The following PLA2G6 variants were observed in gnomAD, a reference collection of about 807,000 sequenced individuals.
PLA2G6 encodes the protein phospholipase A2 group VI.
In PLA2G6, 62 loss-of-function variants were observed where a neutral mutation model predicts 83.8. The observed-to-expected ratio is 0.74, with a 90% CI of 0.60 to 0.91. The LOEUF is 0.91. Among genes scored for constraint, PLA2G6 ranks in the 40% least tolerant of loss-of-function variants. The pLI, the probability that PLA2G6 is intolerant of heterozygous loss-of-function variation, is 0.00. For missense variants in PLA2G6, 944 were observed against 1,102.0 expected, an observed-to-expected ratio of 0.86 and a Z score of 2.03; for synonymous variants, 417 against 449.8, an observed-to-expected ratio of 0.93 and a Z score of 0.92.
chr22:38,143,083 C>G, intron 4 of PLA2G6, 22 bp downstream of exon 4: 1 of 1,611,780 alleles, frequency 6.2e-7, no homozygotes, highest in Non-Finnish European at 8.5e-7. Flanking sequence ...GTACCAGTCA[C>G]CCTGCCCCTC....
chr22:38,174,193 G>A (rs1339154849), intron 1 of PLA2G6, among the ~76,000 whole-genome samples: 2 of 151,982 alleles, frequency 1.3e-5, no homozygotes, highest in Admixed American at 6.6e-5. Context: ...TCAGGAGATT[G>A]AGACCATCCT....
chr22:38,128,233 C>T lies in PLA2G6; in HGVS notation c.1348+36G>A. Reference sequence around the variant, plus strand: ...TGCTGTGATCCAGGGGCCTGGGAACCAGCTGGAGAAGAGGGAGTCGGGAGG... The same window carrying T: ...TGCTGTGATCCAGGGGCCTGGGAACTAGCTGGAGAAGAGGGAGTCGGGAGG... On this transcript the variant is annotated intron_variant, in intron 9 of 16. Coordinates refer to ENST00000332509, the MANE Select transcript of PLA2G6 (RefSeq NM_003560.4). The surrounding 1 kb of genome is among the most constrained non-coding windows in gnomAD (Gnocchi z 4.4). 7.5e-6 allele frequency: 12 copies of T among 1,608,560 alleles called. No individual in the cohort carries two copies. The highest frequency in any genetic ancestry group is 1.0e-5 in the Non-Finnish European group (12 of 1,176,780).
Position 38,112,570 on chromosome 22 carries a change from T to A in PLA2G6, c.2210A>T (p.Asp737Val). 1 of 1,551,650 alleles carries A rather than the reference T, an allele frequency of 6.4e-7. No homozygotes were observed. Among genetic ancestry groups the A allele is most frequent in the African/African-American group, 1.4e-5 (1 of 73,132 alleles). ...LGKMVVDCCTDPDGRAVDRAR... is the reference protein window; with the variant it reads ...LGKMVVDCCTVPDGRAVDRAR... ...CCGGTCCACAGCCCGCCCGTCTGGA[T>A]CCGTGCACTGGTGAGAAGCAGCCTT... is the stretch of plus-strand genomic sequence containing the variant. Residue 737 changes from aspartate (D) to valine (V), a missense_variant, in exon 16 of 17, where the codon GAT becomes GTT. Asp to Val is a radical substitution (Grantham distance 152). Coordinates refer to ENST00000332509, the MANE Select transcript of PLA2G6 (RefSeq NM_003560.4).
chr22:38,132,567 T>C lies in PLA2G6; in HGVS notation c.1077+264A>G, dbSNP rs1006035665. 3 of 563,150 alleles carry C rather than the reference T, an allele frequency of 5.3e-6. No homozygotes were observed. Among genetic ancestry groups the C allele is most frequent in the Non-Finnish European group, 9.6e-6 (3 of 313,868 alleles). The allele number at this position is 563,150 out of a possible 1,614,324, so 34.9% of individuals were successfully genotyped here. On this transcript the variant is annotated intron_variant, in intron 7 of 16. Transcript: ENST00000332509. This position sits in a 1 kb window ranked among gnomAD's most constrained non-coding sequence, Gnocchi z 5.0. The stretch of plus-strand genomic sequence containing the variant: ...TATGGCCAGAGCTGTCATTTTTCCC[T>C]CTCGTGCCATGCAAGTGCCAAATGG...
In PLA2G6 at chr22:38,126,476, G is replaced by A. The variant is rs770146189; in HGVS notation, c.1349-27C>T. 45 of 1,581,598 alleles carry A rather than the reference G, an allele frequency of 2.8e-5. 1 individual carries two copies. The South Asian group carries it at 4.3e-4, about 15-fold the overall frequency. ...TGTGAGGCACAGAGCAGGGCATGCT[G>A]TGGTCAGGTGGGTCCCCAAGCCCTG... is the stretch of plus-strand genomic sequence containing the variant. On this transcript the variant is annotated intron_variant, in intron 9 of 16. Coordinates refer to ENST00000332509, the MANE Select transcript of PLA2G6 (RefSeq NM_003560.4).
chr22:38,145,784 AACACACACACACACACACACAC>A (rs132936), intron 2 of PLA2G6, 131 bp from the exon 3 acceptor site: 53 of 484,210 alleles, frequency 1.1e-4, no homozygotes, highest in African/African-American at 3.3e-4. Flanking sequence ...CTCCCAAGCA[AACACACACACACACACACACAC>A]ACACACACAC....
At chr22:38,122,344 AG>A (rs1016220234) in intron 11 of PLA2G6, among the ~76,000 whole-genome samples, 27 of 152,152 alleles carry the variant, frequency 1.8e-4, no homozygotes, top group African/African-American at 6.3e-4. Context: ...GACAATGTCC[AG>A]GGGGTTGGGG....
In PLA2G6 at chr22:38,128,548, C is replaced by G. The variant is rs548987642; in HGVS notation, c.1187-118G>C. 1 of 1,141,956 alleles carries G rather than the reference C, an allele frequency of 8.8e-7. No individual in the cohort carries two copies. The highest frequency in any genetic ancestry group is 1.3e-6 in the Non-Finnish European group (1 of 790,344). The allele number at this position is 1,141,956 out of a possible 1,614,324, so 70.7% of individuals were successfully genotyped here. On this transcript the variant is annotated intron_variant, in intron 8 of 16. Coordinates refer to ENST00000332509, the MANE Select transcript of PLA2G6 (RefSeq NM_003560.4). The surrounding 1 kb of genome is among the most constrained non-coding windows in gnomAD (Gnocchi z 4.4). ...TGTCCCAGCTCCCAGGCCCTGGGCA[C>G]GTGGGCTGCTCCAGAGGCCTCAGCC...
In PLA2G6 at chr22:38,116,099, G is replaced by T. The variant is rs764204393; in HGVS notation, c.1855C>A (p.Leu619Ile). 5 of 1,614,136 alleles carry T rather than the reference G, an allele frequency of 3.1e-6. No individual in the cohort carries two copies. Among genetic ancestry groups the T allele is most frequent in the Non-Finnish European group, 4.2e-6 (5 of 1,180,024 alleles). Residue 619 changes from leucine to isoleucine, a missense_variant, in exon 13 of 17, where the codon CTC becomes ATC. Physicochemically the swap from Leu to Ile is conservative, Grantham distance 5 (BLOSUM62 2). Transcript: ENST00000332509. The part of the protein sequence containing the change: ...REPRFNQNVN[L>I]RPPAQPSDQL... ...CCTGAGGGCTGAGCTGGAGGCCTGA[G>T]GTTAACGTTCTGGTTGAAACGAGGC...
At chr22:38,124,520 C>G (rs943765702) in intron 10 of PLA2G6, among the ~76,000 whole-genome samples, 4 of 152,176 alleles carry the variant, frequency 2.6e-5, no homozygotes, top group African/African-American at 4.8e-5. Context: ...CTCTGATCTT[C>G]TCATCTTCCC....
In PLA2G6 at chr22:38,169,318, G is replaced by A. The variant is rs200075782; in HGVS notation, c.109C>T (p.Arg37Ter). ...ATCAGCTGCCCTTCCTCCCGAACTCGGTCACTCGAGGTGTAGTCGGCCACA... is the reference window on the plus strand; with the variant it reads ...ATCAGCTGCCCTTCCTCCCGAACTCAGTCACTCGAGGTGTAGTCGGCCACA... ...VAVADYTSSD[R>*]VREEGQLILF... is the part of the protein sequence containing the mutation. The change falls in exon 2 of 17, where the codon CGA (arginine) becomes TGA (stop). Residue 37 changes from arginine to a stop codon, truncating the protein, a stop_gained. Transcript: ENST00000332509. LOFTEE classifies it high-confidence loss of function. 3.6e-5 allele frequency: 58 copies of A among 1,614,026 alleles called. No homozygotes were observed. Among genetic ancestry groups the A allele is most frequent in the Non-Finnish European group, 4.7e-5 (56 of 1,180,018 alleles).
At chr22:38,160,828 C>G (rs9610908) in intron 2 of PLA2G6, among the ~76,000 whole-genome samples, 14,696 of 151,488 alleles carry the variant, frequency 0.097, 1,778 homozygotes, top group African/African-American at 0.28. Flanking sequence ...CTGGGCAACA[C>G]AGTGAGACTC....
At chr22:38,125,428 GGAAGTGAGTGC>G (rs2145733111) in intron 10 of PLA2G6, among the ~76,000 whole-genome samples, 1 of 152,332 alleles carries the variant, frequency 6.6e-6, no homozygotes, top group Admixed American at 6.5e-5. Context: ...AGGGTAGCAT[GGAAGTGAGTGC>G]GAAGTGAGAG....
chr22:38,143,153 C>T lies in PLA2G6; in HGVS notation c.561G>A (p.Glu187=), dbSNP rs201800359. ...TQMDVTDYKG[E]TVFHYAVQGD... ...CCTGGACAGCATAATGGAAGACGGT[C>T]TCTCCCTTGTAGTCGGTGACATCCA... Residue 187 remains glutamate (E), a synonymous_variant, in exon 4 of 17, where the codon GAG becomes GAA. Transcript: ENST00000332509. 6.2e-7 allele frequency: 1 copy of T among 1,614,238 alleles called. No individual in the cohort carries two copies. The highest frequency in any genetic ancestry group is 8.5e-7 in the Non-Finnish European group (1 of 1,180,042).
At position 38,162,931 on chromosome 22, in the gene PLA2G6, C is replaced by T. The variant is rs188780477; in HGVS notation, c.209+6287G>A. Among the ~76,000 whole-genome samples, 12 of 152,146 alleles carry T rather than the reference C, an allele frequency of 7.9e-5. 1 individual carries two copies. The highest frequency in any genetic ancestry group is 2.1e-4 in the South Asian group (1 of 4,820). The stretch of plus-strand genomic sequence containing the variant: ...GAAGGCTGAGGCTCTGGAGGACACA[C>T]GGGGGTGTGTCTCTTCCCTCCCTTC... On this transcript the variant is annotated intron_variant, in intron 2 of 16. Coordinates refer to ENST00000332509, the MANE Select transcript of PLA2G6 (RefSeq NM_003560.4).
chr22:38,143,059 A>T (rs1200088450), intron 4 of PLA2G6, 46 bp downstream of exon 4: 9 of 1,576,740 alleles, frequency 5.7e-6, no homozygotes, highest in Middle Eastern at 1.7e-4. Context: ...AACCGTGGAC[A>T]CCGGGAGGTA....
At position 38,120,887 on chromosome 22, in the gene PLA2G6, G is replaced by A. The variant is rs373930150; in HGVS notation, c.1614C>T (p.Arg538=). The A allele has an allele frequency of 1.0e-4, 168 of 1,613,530 alleles. No individual in the cohort carries two copies. In the Middle Eastern group the frequency reaches 1.3e-3, roughly 13 times the overall value. ...CATCCTTCATGCGAAAGTACATGCC[G>A]CGCATGTAGGCCATGGACTTACCTA... is the stretch of plus-strand genomic sequence containing the variant. ...ILHSKSMAYM[R]GMYFRMKDEV... is the part of the protein sequence containing the mutation. The change falls in exon 12 of 17, where the codon CGC becomes CGT. Residue 538 remains arginine (R), a synonymous_variant. Coordinates refer to ENST00000332509, the MANE Select transcript of PLA2G6 (RefSeq NM_003560.4).
chr22:38,114,727 G>A (rs2087085830), intron 14 of PLA2G6, among the ~76,000 whole-genome samples: 1 of 152,150 alleles, frequency 6.6e-6, no homozygotes, highest in African/African-American at 2.4e-5. Flanking sequence ...GGACGCCCTG[G>A]GGCTTCGGGA....
At chr22:38,151,852 G>C (rs1298991757) in intron 2 of PLA2G6, among the ~76,000 whole-genome samples, 1 of 152,186 alleles carries the variant, frequency 6.6e-6, no homozygotes, top group Admixed American at 6.6e-5. Flanking sequence ...AAAGGTTTCA[G>C]ACTTTGCCCC....
Sources: gnomAD v4.1 joint callset for allele counts (sites outside exome capture counted in the v4.1 genomes callset) on GRCh38, gnomAD v4.1.1 for gene constraint, Gnocchi (gnomAD v3.1) non-coding constraint, MANE v1.5 for transcripts, NCBI Gene and HGNC (gene_info 2026-07-23, HGNC 2026-07-21) for gene names.